Variants in TMEM132D observed in about 807,000 individuals in gnomAD.
TMEM132D encodes the protein transmembrane protein 132D.
Under a neutral mutation model 62.3 loss-of-function variants are expected in TMEM132D, and 21 were observed. The ratio of observed to expected loss-of-function variants is 0.34; its 90% CI spans 0.24 to 0.49. TMEM132D has a LOEUF of 0.49. Ranked by LOEUF, TMEM132D falls within the 20% of genes least tolerant of loss-of-function variation. TMEM132D has a pLI of 0.99. For synonymous variants in TMEM132D, 621 were observed against 575.6 expected, an observed-to-expected ratio of 1.08 and a Z score of -1.13; for missense variants, 1,346 against 1,402.8, an observed-to-expected ratio of 0.96 and a Z score of 0.65.
At chr12:129,359,610 C>A (rs1870182088) in intron 3 of TMEM132D, among the ~76,000 whole-genome samples, 1 of 152,152 alleles carries the variant, frequency 6.6e-6, no homozygotes, top group African/African-American at 2.4e-5. Context: ...ATTGCTATCT[C>A]ACCCCTTCCA....
At chr12:129,854,224 ACTTT>A (rs1490560643) in intron 1 of TMEM132D, among the ~76,000 whole-genome samples, 4 of 152,122 alleles carry the variant, frequency 2.6e-5, no homozygotes, top group Non-Finnish European at 4.4e-5. Flanking sequence ...CTATCACTGA[ACTTT>A]CACTATGTCC....
chr12:129,320,799 G>A (rs952785363), intron 4 of TMEM132D, among the ~76,000 whole-genome samples: 1 of 152,174 alleles, frequency 6.6e-6, no homozygotes, highest in African/African-American at 2.4e-5. Flanking sequence ...GATACAGGAA[G>A]AAAGGGATAG....
At chr12:129,792,217 T>C (rs1244832755) in intron 1 of TMEM132D, among the ~76,000 whole-genome samples, 1 of 152,186 alleles carries the variant, frequency 6.6e-6, no homozygotes, top group African/African-American at 2.4e-5. Context: ...TTGCTTTCCT[T>C]TTTATTGCAC....
Position 129,455,497 on chromosome 12 carries a change from C to T in TMEM132D, c.1115+75562G>A, listed in dbSNP as rs550029804. ...ACACGTATATAACGTGATTATAATG[C>T]AATTTGATGACAAAACATAAATAGT... On this transcript the variant is annotated intron_variant, in intron 3 of 8. Coordinates refer to ENST00000422113, the MANE Select transcript of TMEM132D (RefSeq NM_133448.3). 3.9e-5 allele frequency among the ~76,000 whole-genome samples: 6 copies of T among 152,266 alleles called. No homozygotes were observed. In the East Asian group the frequency reaches 1.2e-3, roughly 29 times the overall value.
intron 3 of TMEM132D, among the ~76,000 whole-genome samples, chr12:129,433,314 C>T (rs914005187): frequency 6.6e-6 from 1 of 152,136 alleles, no homozygotes; most frequent in East Asian, 1.9e-4. Context: ...CTCTGTTTAA[C>T]CTTAGTAATT....
intron 2 of TMEM132D, among the ~76,000 whole-genome samples, chr12:129,590,735 G>A (rs762009173): frequency 1.3e-5 from 2 of 152,180 alleles, no homozygotes; most frequent in African/African-American, 4.8e-5. Flanking sequence ...TGGGCATCCT[G>A]TGTTTTTGCT....
intron 5 of TMEM132D, among the ~76,000 whole-genome samples, chr12:129,178,661 G>A (rs1185905859): frequency 6.6e-6 from 1 of 152,142 alleles, no homozygotes; most frequent in Non-Finnish European, 1.5e-5. Flanking sequence ...GTAAAAGATG[G>A]GGGCAGTAGA....
At chr12:129,322,610 G>C (rs1371178200) in intron 4 of TMEM132D, among the ~76,000 whole-genome samples, 1 of 151,888 alleles carries the variant, frequency 6.6e-6, no homozygotes, top group Non-Finnish European at 1.5e-5. Flanking sequence ...TTTAAATCCA[G>C]GAAGGATTTT....
chr12:129,632,957 C>T (rs1466804048), intron 2 of TMEM132D, among the ~76,000 whole-genome samples: 1 of 152,216 alleles, frequency 6.6e-6, no homozygotes, highest in Non-Finnish European at 1.5e-5. Flanking sequence ...CCTAAGTAGA[C>T]AACAAGTTCA....
At chr12:129,716,423 A>C (rs1868576221) in intron 1 of TMEM132D, among the ~76,000 whole-genome samples, 1 of 152,228 alleles carries the variant, frequency 6.6e-6, no homozygotes, top group East Asian at 1.9e-4. Context: ...GGGTCAGGGC[A>C]ACTCTCTCTG....
At chr12:129,643,886 C>G (rs1167926760) in intron 2 of TMEM132D, among the ~76,000 whole-genome samples, 4 of 149,790 alleles carry the variant, frequency 2.7e-5, no homozygotes, top group Non-Finnish European at 5.9e-5. Flanking sequence ...CACTCTGTCA[C>G]CAGACTGGAA....
chr12:129,231,096 C>A (rs1297879514), intron 4 of TMEM132D, among the ~76,000 whole-genome samples: 2 of 152,224 alleles, frequency 1.3e-5, no homozygotes, highest in African/African-American at 2.4e-5. Flanking sequence ...AATTTACTGT[C>A]TGTTCAACCA....
chr12:129,876,566 T>G (rs115204697), intron 1 of TMEM132D, among the ~76,000 whole-genome samples: 263 of 152,208 alleles, frequency 1.7e-3, no homozygotes, highest in African/African-American at 6.3e-3. Context: ...ACAAGAGAAT[T>G]TATTGGCTCA....
intron 1 of TMEM132D, among the ~76,000 whole-genome samples, chr12:129,803,424 T>A (rs961163619): frequency 7.9e-5 from 12 of 152,160 alleles, no homozygotes; most frequent in African/African-American, 2.9e-4. Flanking sequence ...CTGAACAACC[T>A]GCTCCTGAAT....
At chr12:129,648,342 A>G (rs765767891) in intron 2 of TMEM132D, among the ~76,000 whole-genome samples, 1 of 152,136 alleles carries the variant, frequency 6.6e-6, no homozygotes, top group Non-Finnish European at 1.5e-5. Flanking sequence ...ACCAATCCGC[A>G]TTCCCTATTC....
intron 2 of TMEM132D, among the ~76,000 whole-genome samples, chr12:129,570,965 G>C (rs1169039209): frequency 6.6e-6 from 1 of 152,170 alleles, no homozygotes; most frequent in Non-Finnish European, 1.5e-5. Flanking sequence ...GGGACAGGAC[G>C]AATGCAGAAG....
intron 1 of TMEM132D, among the ~76,000 whole-genome samples, chr12:129,709,312 T>C (rs533671783): frequency 6.6e-6 from 1 of 152,354 alleles, no homozygotes; most frequent in South Asian, 2.1e-4. Context: ...GAAAAATTTA[T>C]AAGAATGTTG....
chr12:129,130,553 A>G (rs1474613785), intron 5 of TMEM132D, among the ~76,000 whole-genome samples: 1 of 152,186 alleles, frequency 6.6e-6, no homozygotes, highest in Admixed American at 6.5e-5. Context: ...CACTTGAGAT[A>G]CAACAGATAA....
At chr12:129,096,756 C>G (rs1013347306) in intron 5 of TMEM132D, among the ~76,000 whole-genome samples, 16 of 152,152 alleles carry the variant, frequency 1.1e-4, no homozygotes, top group Admixed American at 2.6e-4. Flanking sequence ...TCATCTATAC[C>G]AGAAGATTCC....
Sources: allele counts gnomAD v4.1 joint callset (sites outside exome capture counted in the v4.1 genomes callset), GRCh38; gene constraint gnomAD v4.1.1; transcripts MANE v1.5; gene names NCBI Gene and HGNC (gene_info 2026-07-23, HGNC 2026-07-21).